GLI2: variants seen among roughly 807,000 people sequenced by gnomAD.
GLI2 encodes GLI family zinc finger 2.
Under a neutral mutation model 78.9 loss-of-function variants are expected in GLI2, and 22 were observed. That is an observed-to-expected ratio of 0.28 (90% CI 0.20 to 0.40). The LOEUF is 0.40. Among genes scored for constraint, GLI2 ranks in the 10% least tolerant of loss-of-function variants. The pLI is 1.00. For synonymous variants in GLI2, 974 were observed against 963.7 expected (o/e 1.01, Z -0.20); for missense variants, 2,097 against 2,213.2 (o/e 0.95, Z 1.05).
chr2:120,816,556 A>C (rs1486172013), intron 2 of GLI2, among the ~76,000 whole-genome samples: 1 of 152,224 alleles, frequency 6.6e-6, no homozygotes, highest in Non-Finnish European at 1.5e-5. Context: ...AAACTTAAAA[A>C]AATGAGAACT....
chr2:120,909,623 T>G (rs1052058811), intron 2 of GLI2, among the ~76,000 whole-genome samples: 41 of 152,208 alleles, frequency 2.7e-4, no homozygotes, highest in African/African-American at 9.6e-4. Flanking sequence ...CCCAGCACTT[T>G]GGGAGGCCGA....
chr2:120,828,358 G>A (rs2104762877), intron 2 of GLI2, among the ~76,000 whole-genome samples: 1 of 152,366 alleles, frequency 6.6e-6, no homozygotes, highest in East Asian at 1.9e-4. Flanking sequence ...GGACATTCGA[G>A]CTCTCAACCC....
At chr2:120,748,037 GT>G (rs1484605806) in intron 1 of GLI2, among the ~76,000 whole-genome samples, 2 of 152,216 alleles carry the variant, frequency 1.3e-5, no homozygotes, top group Non-Finnish European at 2.9e-5. Flanking sequence ...GGAGCCGGCA[GT>G]CTCCGAAATC....
Position 120,786,127 on chromosome 2 carries a change from C to T in GLI2, c.-30-11164C>T, listed in dbSNP as rs1191169384. Among the ~76,000 whole-genome samples, 4 of 152,200 alleles carry T rather than the reference C, an allele frequency of 2.6e-5. 1 individual carries two copies. Among genetic ancestry groups the T allele is most frequent in the South Asian group, 4.1e-4 (2 of 4,830 alleles). On this transcript the variant is annotated intron_variant, in intron 1 of 13. Transcript: ENST00000361492. ...GAGGACAAACTCAGAGGAATCAAAA[C>T]GCAGCTCTCCCCACCACCCTGGACG...
chr2:120,987,231 G>C (rs572526944), intron 13 of GLI2, among the ~76,000 whole-genome samples: 10 of 152,194 alleles, frequency 6.6e-5, no homozygotes, highest in South Asian at 2.1e-4. Flanking sequence ...CTGTGCCTAG[G>C]ATTGTGCCGG....
intron 5 of GLI2, among the ~76,000 whole-genome samples, chr2:120,956,422 G>A (rs1167924855): frequency 6.6e-6 from 1 of 152,116 alleles, no homozygotes; most frequent in Non-Finnish European, 1.5e-5. Flanking sequence ...CATCCTCACA[G>A]CTGCTTTCAC....
intron 1 of GLI2, among the ~76,000 whole-genome samples, chr2:120,795,210 G>A (rs1263421222): frequency 1.4e-5 from 2 of 143,512 alleles, no homozygotes; most frequent in South Asian, 2.2e-4. Context: ...TGACAGGAGA[G>A]ACCCTGTCTC....
intron 2 of GLI2, among the ~76,000 whole-genome samples, chr2:120,844,005 G>C (rs562534845): frequency 1.3e-5 from 2 of 152,216 alleles, no homozygotes; most frequent in Admixed American, 1.3e-4. Context: ...TGTGGTCCCC[G>C]GCAGGACCCA....
intron 3 of GLI2, among the ~76,000 whole-genome samples, chr2:120,937,125 T>C (rs1680236742): frequency 6.6e-6 from 1 of 152,182 alleles, no homozygotes; most frequent in South Asian, 2.1e-4. Context: ...CAGAGTTGCT[T>C]AACTCAGTGG....
intron 2 of GLI2, among the ~76,000 whole-genome samples, chr2:120,926,072 CAAAAAA>C (rs35224973): frequency 1.6e-4 from 10 of 63,236 alleles, no homozygotes; most frequent in South Asian, 1.8e-3. Flanking sequence ...GACTCCGTCT[CAAAAAA>C]AAAAAAAAAA....
intron 1 of GLI2, among the ~76,000 whole-genome samples, chr2:120,780,127 A>G (rs1014074444): frequency 5.3e-5 from 8 of 151,460 alleles, no homozygotes; most frequent in African/African-American, 1.9e-4. Context: ...AAAGGCATCT[A>G]TTACTCAGGT....
chr2:120,954,496 C>T (rs535858744), intron 4 of GLI2, among the ~76,000 whole-genome samples: 1 of 152,228 alleles, frequency 6.6e-6, no homozygotes, highest in Admixed American at 6.5e-5. Flanking sequence ...TGGAATTTGT[C>T]GAGACTGCTA....
At chr2:120,738,447 T>C (rs1682434754) in intron 1 of GLI2, among the ~76,000 whole-genome samples, 1 of 152,198 alleles carries the variant, frequency 6.6e-6, no homozygotes, top group Non-Finnish European at 1.5e-5. Flanking sequence ...TGGTAAGATT[T>C]AGGGTGGTTT....
At position 120,756,339 on chromosome 2, in the gene GLI2, A is replaced by G. The variant is rs1221066732; in HGVS notation, c.-31+20054A>G. Among the ~76,000 whole-genome samples, 3 of 152,160 alleles carry G rather than the reference A, an allele frequency of 2.0e-5. No homozygotes were observed. In the East Asian group the frequency reaches 5.8e-4, roughly 29 times the overall value. On this transcript the variant is annotated intron_variant, in intron 1 of 13. Coordinates refer to ENST00000361492, the MANE Select transcript of GLI2 (RefSeq NM_001374353.1). ...TTTATGTTTTTGATACTGTTGTGTTATTTTAAAATTTCAATTTGCTAATAT... is the reference window on the plus strand; with the variant it reads ...TTTATGTTTTTGATACTGTTGTGTTGTTTTAAAATTTCAATTTGCTAATAT...
At chr2:120,894,553 G>A (rs1005536865) in intron 2 of GLI2, among the ~76,000 whole-genome samples, 1 of 151,908 alleles carries the variant, frequency 6.6e-6, no homozygotes, top group African/African-American at 2.4e-5. Flanking sequence ...CAGGGGTGGG[G>A]GCTAATCTGT....
Position 120,797,374 on chromosome 2 carries a change from G to A in GLI2, c.54G>A (p.Gly18=), listed in dbSNP as rs765803745. The change falls in exon 2 of 14, where the codon GGG becomes GGA. Residue 18 remains glycine (G), a synonymous_variant. Transcript: ENST00000361492. The part of the protein sequence containing the change: ...TASEKQEAKS[G]ILEAAGFPDP... ...CCGAGAAGCAAGAAGCCAAAAGTGG[G>A]ATCCTGGAGGCCGCTGGCTTCCCCG... is the stretch of plus-strand genomic sequence containing the variant. 1.2e-6 allele frequency: 2 copies of A among 1,614,058 alleles called. No individual in the cohort carries two copies. Among genetic ancestry groups the A allele is most frequent in the Non-Finnish European group, 1.7e-6 (2 of 1,179,952 alleles).
rs1491375724 is a variant in GLI2 at position 120,920,899 on chromosome 2, T to TG, written c.149-6461dup. 4.2e-4 allele frequency among the ~76,000 whole-genome samples: 18 copies of TG among 42,846 alleles called. No homozygotes were observed. In the Admixed American group the frequency reaches 6.4e-3, roughly 15 times the overall value. 28.1% of individuals were successfully genotyped at this position (42,846 alleles called of 152,430 possible). A position where few individuals can be genotyped will look rare whatever the true frequency, so the allele number is the denominator to read the frequency against. On this transcript the variant is annotated intron_variant, in intron 2 of 13. Coordinates refer to ENST00000361492, the MANE Select transcript of GLI2 (RefSeq NM_001374353.1). ...TTAATTTTGGATTTTTTCTTTTACT[T>TG]GAAAAAAAAAAAAAAACACAAAAGC...
chr2:120,926,969 A>G (rs1235687685), intron 2 of GLI2, among the ~76,000 whole-genome samples: 1 of 152,244 alleles, frequency 6.6e-6, no homozygotes, highest in Non-Finnish European at 1.5e-5. Context: ...CGGATGCCGT[A>G]ACCTGGTGCT....
intron 1 of GLI2, among the ~76,000 whole-genome samples, chr2:120,754,806 T>C (rs1019209430): frequency 1.3e-5 from 2 of 152,064 alleles, no homozygotes; most frequent in African/African-American, 4.8e-5. Flanking sequence ...GCCTGGATCA[T>C]AGGTAGGTGT....
Sources: gnomAD v4.1 joint callset for allele counts (sites outside exome capture counted in the v4.1 genomes callset) on GRCh38, gnomAD v4.1.1 for gene constraint, MANE v1.5 for transcripts, NCBI Gene and HGNC (gene_info 2026-07-23, HGNC 2026-07-21) for gene names.